Variants in RICTOR observed in about 807,000 individuals in gnomAD.
RICTOR encodes the protein RPTOR independent companion of MTOR complex 2.
In RICTOR, 49 loss-of-function variants were observed where a neutral mutation model predicts 214.9. The ratio of observed to expected loss-of-function variants is 0.23; its 90% CI spans 0.18 to 0.29. RICTOR has a LOEUF of 0.29. Ranked by LOEUF, RICTOR falls within the 10% of genes least tolerant of loss-of-function variation. The pLI, the probability that RICTOR is intolerant of heterozygous loss-of-function variation, is 1.00. For synonymous variants in RICTOR, 717 were observed against 711.3 expected, an observed-to-expected ratio of 1.01 and a Z score of -0.13; for missense variants, 1,625 against 2,047.0, an observed-to-expected ratio of 0.79 and a Z score of 3.98.
intron 37 of RICTOR, 143 bp downstream of exon 37, chr5:38,942,690 A>C: frequency 1.6e-6 from 1 of 628,868 alleles, no homozygotes; most frequent in Non-Finnish European, 2.7e-6. Context: ...TCCTGGGCTC[A>C]AGCAATTCTC....
chr5:38,990,437 A>G (rs1374460994), intron 7 of RICTOR, among the ~76,000 whole-genome samples: 1 of 151,730 alleles, frequency 6.6e-6, no homozygotes, highest in East Asian at 1.9e-4. Flanking sequence ...TACCTATGTA[A>G]CAAACCTACA....
chr5:38,976,926 G>C (rs1310576847), intron 9 of RICTOR, among the ~76,000 whole-genome samples: 2 of 152,196 alleles, frequency 1.3e-5, no homozygotes, highest in Non-Finnish European at 2.9e-5. Flanking sequence ...TGTGAACATG[G>C]TGAGGTATCA....
At chr5:38,990,890 C>A in intron 7 of RICTOR, 59 bp downstream of exon 7, 1 of 1,055,858 alleles carries the variant, frequency 9.5e-7, no homozygotes, top group Non-Finnish European at 1.4e-6. Context: ...ATATATATCT[C>A]AAATGTTATA....
At position 38,949,821 on chromosome 5, in the gene RICTOR, G is replaced by C. The variant is rs2112846152; in HGVS notation, c.4027C>G (p.Pro1343Ala). Residue 1343 changes from proline to alanine, a missense_variant, in exon 31 of 38, where the codon CCA (proline) becomes GCA (alanine). Pro to Ala is a conservative substitution (Grantham distance 27). This residue lies in a region of RICTOR where 1,214 missense variants were observed against 1,470.5 expected (regional missense o/e 0.83). Transcript: ENST00000357387. ...AAAGCTTCAGAGTGAGATAAGGATG[G>C]ATGCATTCTTTGTTGCTGTAGTCTT... ...LKRLQQQRMH[P>A]SLSHSEALAS... The C allele has an allele frequency of 6.2e-7, 1 of 1,613,310 alleles. No homozygotes were observed. Among genetic ancestry groups the C allele is most frequent in the East Asian group, 2.2e-5 (1 of 44,872 alleles).
chr5:39,033,178 T>C (rs956405687), intron 2 of RICTOR, among the ~76,000 whole-genome samples: 20 of 152,190 alleles, frequency 1.3e-4, no homozygotes, highest in African/African-American at 4.6e-4. Context: ...TGTCTGTTTT[T>C]CTTAGGACTA....
chr5:38,958,958 T>G (rs1340747707), intron 22 of RICTOR, 127 bp from the exon 23 acceptor site: 3 of 718,330 alleles, frequency 4.2e-6, no homozygotes, highest in Non-Finnish European at 6.4e-6. Flanking sequence ...GTCTAGCCCT[T>G]GATATGAATA....
At position 39,074,356 on chromosome 5, in the gene RICTOR, G is replaced by C. The variant is rs1205555082; in HGVS notation, c.22C>G (p.Arg8Gly). 4 of 1,538,672 alleles carry C rather than the reference G, an allele frequency of 2.6e-6. No individual in the cohort carries two copies. The highest frequency in any genetic ancestry group is 1.2e-5 in the South Asian group (1 of 82,514). Residue 8 changes from arginine to glycine, a missense_variant, in exon 1 of 38, where the codon CGC (arginine) becomes GGC (glycine). Around this residue, in one of 5 missense-constraint regions of RICTOR, gnomAD observed 71 missense variants for 57.9 expected, o/e 1.23. Coordinates refer to ENST00000357387, the MANE Select transcript of RICTOR (RefSeq NM_152756.5). MAAIGRG[R>G]SLKNLRVRGR... is the part of the protein sequence containing the mutation. ...CGTACTCGGAGGTTCTTCAGAGAGC[G>C]GCCGCGGCCGATCGCCGCCATATTG...
rs888189951 is a variant in RICTOR at position 38,946,523 on chromosome 5, T to G, written c.4344A>C (p.Lys1448Asn). Residue 1448 changes from lysine to asparagine, a missense_variant, in exon 33 of 38, where the codon AAA (lysine) becomes AAC (asparagine). Physicochemically the swap from Lys to Asn is moderately conservative, Grantham distance 94. Transcript: ENST00000357387. ...QVKDIPYFQT[K>N]NIPPHDDRGA... The stretch of plus-strand genomic sequence containing the variant: ...CTCGATCATCATGTGGTGGTATGTT[T>G]TTTGTCTGAAAATAGGGAATATCCT... 14 of 1,611,006 alleles carry G rather than the reference T, an allele frequency of 8.7e-6. No homozygotes were observed. The African/African-American group carries it at 1.7e-4, about 20-fold the overall frequency.
At chr5:39,011,105 T>C (rs1393447022) in intron 3 of RICTOR, among the ~76,000 whole-genome samples, 1 of 152,074 alleles carries the variant, frequency 6.6e-6, no homozygotes, top group Non-Finnish European at 1.5e-5. Flanking sequence ...GAGGAAAAAG[T>C]GGTTTCCTGG....
intron 2 of RICTOR, among the ~76,000 whole-genome samples, chr5:39,054,182 A>C (rs1304998487): frequency 4.0e-5 from 6 of 149,458 alleles, no homozygotes; most frequent in Non-Finnish European, 6.0e-5. Flanking sequence ...CATTCACTTA[A>C]AAAAAAAATA....
chr5:38,959,711 A>G, intron 21 of RICTOR, 68 bp downstream of exon 21: 1 of 994,076 alleles, frequency 1.0e-6, no homozygotes, highest in Admixed American at 1.8e-5. Context: ...AATAAAAAGC[A>G]TACCATATCT....
intron 7 of RICTOR, among the ~76,000 whole-genome samples, chr5:38,990,717 T>C (rs1383979684): frequency 7.8e-6 from 1 of 128,550 alleles, no homozygotes; most frequent in Non-Finnish European, 1.6e-5. Context: ...ATGATATATA[T>C]GATATATATC....
intron 2 of RICTOR, among the ~76,000 whole-genome samples, chr5:39,072,541 A>G (rs1189607871): frequency 6.6e-6 from 1 of 152,228 alleles, no homozygotes; most frequent in African/African-American, 2.4e-5. Context: ...TCTAAAACAC[A>G]TATGCCTGTA....
chr5:38,971,135 GTACT>G (rs1348783920), intron 11 of RICTOR: 1 of 152,244 alleles, frequency 6.6e-6, no homozygotes, highest in East Asian at 1.9e-4. Flanking sequence ...AGCATCCTGA[GTACT>G]TGGGATTACA....
intron 2 of RICTOR, among the ~76,000 whole-genome samples, chr5:39,035,533 G>T (rs1345943574): frequency 1.3e-5 from 2 of 152,138 alleles, no homozygotes; most frequent in Non-Finnish European, 2.9e-5. Flanking sequence ...CGAGCTAAAA[G>T]AGGAAGTTCG....
intron 7 of RICTOR, among the ~76,000 whole-genome samples, chr5:38,984,037 G>A (rs1465267536): frequency 4.3e-5 from 4 of 92,722 alleles, no homozygotes; most frequent in Non-Finnish European, 8.6e-5. Context: ...ATAACACTAC[G>A]TAAGAATTAC....
At chr5:38,996,447 T>C (rs1029112557) in intron 6 of RICTOR, among the ~76,000 whole-genome samples, 1 of 152,216 alleles carries the variant, frequency 6.6e-6, no homozygotes, top group Admixed American at 6.5e-5. Flanking sequence ...TATTTGTGAC[T>C]TCCATTTAAT....
At chr5:38,972,998 A>G (rs1193566479) in intron 10 of RICTOR, among the ~76,000 whole-genome samples, 1 of 129,632 alleles carries the variant, frequency 7.7e-6, no homozygotes, top group Non-Finnish European at 1.7e-5. Flanking sequence ...CAAGTGAAAG[A>G]AGCCTTACAA....
Position 38,949,908 on chromosome 5 carries a change from G to A in RICTOR, c.3940C>T (p.Leu1314=), listed in dbSNP as rs1748578490. Reference sequence around the variant, plus strand: ...GTGTAACTAAAGTTACAATCTGCTAGACTTTTAATTGTAGCAATAGAGGGT... The same window carrying A: ...GTGTAACTAAAGTTACAATCTGCTAAACTTTTAATTGTAGCAATAGAGGGT... The part of the protein sequence containing the change: ...KAPSIATIKS[L]ADCNFSYTSS... Residue 1314 remains leucine (L), a synonymous_variant, in exon 31 of 38, where the codon CTA becomes TTA. Coordinates refer to ENST00000357387, the MANE Select transcript of RICTOR (RefSeq NM_152756.5). 2 of 1,613,240 alleles carry A rather than the reference G, an allele frequency of 1.2e-6. No individual in the cohort carries two copies. The highest frequency in any genetic ancestry group is 2.2e-5 in the East Asian group (1 of 44,858).
Sources: gnomAD v4.1 joint callset for allele counts (sites outside exome capture counted in the v4.1 genomes callset) on GRCh38, gnomAD v4.1.1 for gene constraint, gnomAD v4.1.1 regional missense constraint, MANE v1.5 for transcripts, NCBI Gene and HGNC (gene_info 2026-07-23, HGNC 2026-07-21) for gene names.